The following HACE1 variants were observed in gnomAD, a reference collection of about 807,000 sequenced individuals.
HACE1 encodes the protein HECT domain and ankyrin repeat containing E3 ubiquitin protein ligase 1.
Under a neutral mutation model 118.4 loss-of-function variants are expected in HACE1, and 73 were observed. The observed-to-expected ratio is 0.62, with a 90% confidence interval of 0.51 to 0.75. The LOEUF is 0.75. Ranked by LOEUF, HACE1 falls within the 30% of genes least tolerant of loss-of-function variation. The pLI is 0.00. For synonymous variants in HACE1, 368 were observed against 374.8 expected, an observed-to-expected ratio of 0.98 and a Z score of 0.21; for missense variants, 749 against 1,102.2, an observed-to-expected ratio of 0.68 and a Z score of 4.54.
intron 7 of HACE1, among the ~76,000 whole-genome samples, chr6:104,805,559 A>G (rs1770899918): frequency 6.6e-6 from 1 of 152,216 alleles, no homozygotes; most frequent in Non-Finnish European, 1.5e-5. Flanking sequence ...TTGCAGGGAC[A>G]CAAATGAAGC....
Position 104,729,281 on chromosome 6 carries a change from C to A in HACE1, c.*381G>T, listed in dbSNP as rs1582533355. ...GCAAAAGAACACACCAGCTGGATGACCTCATATAATATATCAGAAATTAGG... is the reference window on the plus strand; with the variant it reads ...GCAAAAGAACACACCAGCTGGATGAACTCATATAATATATCAGAAATTAGG... On this transcript the variant is annotated 3_prime_UTR_variant, in exon 24 of 24. Coordinates refer to ENST00000262903, the MANE Select transcript of HACE1 (RefSeq NM_020771.4). 2 of 215,946 alleles carry A rather than the reference C, an allele frequency of 9.3e-6. No homozygotes were observed. Among genetic ancestry groups the A allele is most frequent in the East Asian group, 2.4e-4 (2 of 8,166 alleles). 13.4% of individuals were successfully genotyped at this position (215,946 alleles called of 1,614,324 possible).
Position 104,729,640 on chromosome 6 carries a change from C to T in HACE1, c.*22G>A. 5 of 1,081,476 alleles carry T rather than the reference C, an allele frequency of 4.6e-6. No individual in the cohort carries two copies. Among genetic ancestry groups the T allele is most frequent in the Non-Finnish European group, 5.8e-6 (4 of 693,504 alleles). 67.0% of individuals were successfully genotyped at this position (1,081,476 alleles called of 1,614,324 possible). A position where few individuals can be genotyped will look rare whatever the true frequency, so the allele number is the denominator to read the frequency against. On this transcript the variant is annotated 3_prime_UTR_variant, in exon 24 of 24. Transcript: ENST00000262903. ...CCATTCTGAATTGTGCATCAGTAGT[C>T]AGAGGAGTTTTCCAGACTTCATTAT...
chr6:104,783,426 C>T (rs1263995621), intron 14 of HACE1, among the ~76,000 whole-genome samples: 1 of 152,198 alleles, frequency 6.6e-6, no homozygotes, highest in Non-Finnish European at 1.5e-5. Context: ...ATTTATTGAG[C>T]ATATATCACA....
Position 104,795,611 on chromosome 6 carries a change from T to C in HACE1, c.891A>G (p.Glu297=), listed in dbSNP as rs1408402251. 6.2e-7 allele frequency: 1 copy of C among 1,612,092 alleles called. No individual in the cohort carries two copies. Among genetic ancestry groups the C allele is most frequent in the Admixed American group, 1.7e-5 (1 of 60,026 alleles). The change falls in exon 10 of 24, where the codon GAA becomes GAG. Residue 297 remains glutamate (E), a synonymous_variant. Transcript: ENST00000262903. ...GTTTATGACCATTTGTTGTAGCAAC[T>C]TCAGCAAGGCTTGTTAGAATCTTTA... ...QYLKILTSLA[E]VATTNGHKLL...
At chr6:104,745,837 A>T (rs936780554) in intron 20 of HACE1, among the ~76,000 whole-genome samples, 3 of 152,024 alleles carry the variant, frequency 2.0e-5, no homozygotes, top group African/African-American at 4.8e-5. Context: ...TGTACCTTAA[A>T]TAAGATTGAT....
intron 4 of HACE1, among the ~76,000 whole-genome samples, chr6:104,847,326 G>A (rs973853597): frequency 1.2e-4 from 19 of 152,266 alleles, no homozygotes; most frequent in Middle Eastern, 3.4e-3. Flanking sequence ...CAAGACCTTT[G>A]TCGATACCCT....
At chr6:104,812,350 G>A (rs771172568) in intron 6 of HACE1, among the ~76,000 whole-genome samples, 45 of 152,022 alleles carry the variant, frequency 3.0e-4, no homozygotes, top group Non-Finnish European at 2.6e-4. Context: ...GGAGGCTGAG[G>A]TGGGAGGATC....
chr6:104,859,298 G>A (rs1324706675), intron 1 of HACE1: 1 of 440,306 alleles, frequency 2.3e-6, no homozygotes, highest in African/African-American at 2.1e-5. Flanking sequence ...ACCCCTAATC[G>A]ACAGACGTTG....
intron 19 of HACE1, among the ~76,000 whole-genome samples, chr6:104,754,106 T>C (rs1032288445): frequency 2.6e-5 from 4 of 151,996 alleles, no homozygotes; most frequent in African/African-American, 9.7e-5. Flanking sequence ...AACTTCACAA[T>C]GCAATCACAA....
chr6:104,828,571 ATTC>A (rs1344242231), intron 6 of HACE1, among the ~76,000 whole-genome samples: 9 of 151,976 alleles, frequency 5.9e-5, no homozygotes, highest in Non-Finnish European at 1.2e-4. Flanking sequence ...AGTTGTTATG[ATTC>A]CTTTCATCTG....
rs1774172883 is a variant in HACE1, at chr6:104,833,117, A to G, written c.459T>C (p.His153=). 12 of 1,613,406 alleles carry G rather than the reference A, an allele frequency of 7.4e-6. No individual in the cohort carries two copies. The highest frequency in any genetic ancestry group is 8.5e-6 in the Non-Finnish European group (10 of 1,179,416). ...RTELLHDLVQ[H]VSDVDVEDAM... ...CATCCTCAACATCAACATCACTGAC[A>G]TGCTGCACAAGGTCATGGAGTAGTT... Residue 153 remains histidine (H), a synonymous_variant, in exon 6 of 24, where the codon CAT becomes CAC. Transcript: ENST00000262903.
chr6:104,835,530 T>C (rs1370210034), intron 5 of HACE1, among the ~76,000 whole-genome samples: 1 of 119,482 alleles, frequency 8.4e-6, no homozygotes, highest in Non-Finnish European at 2.0e-5. Flanking sequence ...GAAGTCTCCC[T>C]AAAAGTACAA....
chr6:104,780,259 C>G, intron 14 of HACE1: 1 of 331,034 alleles, frequency 3.0e-6, no homozygotes, highest in African/African-American at 2.2e-5. Flanking sequence ...GTACAAACTG[C>G]TACCTTCAAA....
chr6:104,820,776 T>G (rs942293661), intron 6 of HACE1, among the ~76,000 whole-genome samples: 17 of 152,222 alleles, frequency 1.1e-4, no homozygotes, highest in African/African-American at 4.1e-4. Flanking sequence ...GAAGACAGTG[T>G]GGTGATTCCT....
chr6:104,775,913 T>C (rs575801008), intron 17 of HACE1, among the ~76,000 whole-genome samples: 31 of 152,224 alleles, frequency 2.0e-4, no homozygotes, highest in South Asian at 8.3e-4. Flanking sequence ...ATGTAAACAT[T>C]TGGGGAGAGA....
At chr6:104,829,579 T>C (rs1430631958) in intron 6 of HACE1, among the ~76,000 whole-genome samples, 3 of 152,204 alleles carry the variant, frequency 2.0e-5, no homozygotes, top group African/African-American at 7.2e-5. Flanking sequence ...TTTATGTTTA[T>C]ATGATCATCA....
In HACE1 at chr6:104,750,481, AAAG is replaced by A. The variant is rs1206958375; in HGVS notation, c.2212-12_2212-10del. On this transcript the variant is annotated splice_polypyrimidine_tract_variant and intron_variant, in intron 19 of 23. Transcript: ENST00000262903. ...AGCTGGACGTACTCCGCCTGTTGAAAAAGAAGTTTTCATGATGACTTTTCAAAA... is the reference window on the plus strand; with the variant it reads ...AGCTGGACGTACTCCGCCTGTTGAAAAAGTTTTCATGATGACTTTTCAAAA... The A allele has an allele frequency of 6.2e-7, 1 of 1,612,914 alleles. No homozygotes were observed. Among genetic ancestry groups the A allele is most frequent in the Non-Finnish European group, 8.5e-7 (1 of 1,179,144 alleles).
chr6:104,842,454 G>GA (rs1554262184), intron 5 of HACE1: 1 of 143,184 alleles, frequency 7.0e-6, no homozygotes, highest in Non-Finnish European at 1.5e-5. Flanking sequence ...AAATACAAAA[G>GA]TTTTTTTTTT....
chr6:104,730,975 A>C (rs1048303899), intron 22 of HACE1: 1 of 157,580 alleles, frequency 6.3e-6, no homozygotes, highest in Non-Finnish European at 1.4e-5. Flanking sequence ...TTCCTCTTTG[A>C]TTTGATATTC....
Sources: gnomAD v4.1 joint callset for allele counts (sites outside exome capture counted in the v4.1 genomes callset) on GRCh38, gnomAD v4.1.1 for gene constraint, MANE v1.5 for transcripts, NCBI Gene and HGNC (gene_info 2026-07-23, HGNC 2026-07-21) for gene names.